Variants in LINC00305 observed in about 807,000 individuals in gnomAD.
LINC00305 encodes the protein long intergenic non-protein coding RNA 305.
At position 64,108,854 on chromosome 18, in the gene LINC00305, C is replaced by A. The variant is rs541533022; in HGVS notation, n.315-10214G>T. Among the ~76,000 whole-genome samples, 6 of 152,144 alleles carry A rather than the reference C, an allele frequency of 3.9e-5. No homozygotes were observed. The South Asian group carries it at 1.0e-3, about 26-fold the overall frequency. Reference sequence around the variant, plus strand: ...TAGGGTAGAGCCTTGGCAAAGACTGCGAAGTATTTATACAATGGAGGATGG... The same window carrying A: ...TAGGGTAGAGCCTTGGCAAAGACTGAGAAGTATTTATACAATGGAGGATGG... On this transcript the variant is annotated intron_variant and non_coding_transcript_variant, in intron 1 of 3. Transcript: ENST00000666468.
At chr18:64,103,447 T>G (rs1037774493) in intron 1 of LINC00305, among the ~76,000 whole-genome samples, 9 of 152,212 alleles carry the variant, frequency 5.9e-5, no homozygotes, top group African/African-American at 1.4e-4. Flanking sequence ...TTTGCGGCAC[T>G]TCTCGTCCTG....
intron 1 of LINC00305, among the ~76,000 whole-genome samples, chr18:64,133,088 A>C (rs1295873754): frequency 6.6e-6 from 1 of 152,152 alleles, no homozygotes; most frequent in African/African-American, 2.4e-5. Flanking sequence ...GGTTGTTTAC[A>C]TCCCTTTGCT....
At chr18:64,100,030 C>A (rs190948661) in intron 1 of LINC00305, among the ~76,000 whole-genome samples, 1 of 152,282 alleles carries the variant, frequency 6.6e-6, no homozygotes, top group South Asian at 2.1e-4. Context: ...ATTTATAATG[C>A]AACCCTACTT....
At chr18:64,124,869 T>A (rs2051378096) in intron 1 of LINC00305, among the ~76,000 whole-genome samples, 2 of 152,136 alleles carry the variant, frequency 1.3e-5, no homozygotes, top group South Asian at 4.1e-4. Flanking sequence ...CTGCATCTCA[T>A]CAGTGGAATG....
intron 1 of LINC00305, chr18:64,127,580 A>G (rs895505173): frequency 6.6e-6 from 1 of 152,140 alleles, no homozygotes; most frequent in African/African-American, 2.4e-5. Context: ...CCTGGTTTAT[A>G]TGTGTTCTGT....
chr18:64,145,044 C>A (rs1475459505), intron 1 of LINC00305, among the ~76,000 whole-genome samples: 1 of 152,112 alleles, frequency 6.6e-6, no homozygotes, highest in Non-Finnish European at 1.5e-5. Flanking sequence ...AAGGCATACT[C>A]CCTTCTGAGA....
chr18:64,148,232 T>A (rs2051507481), intron 1 of LINC00305, among the ~76,000 whole-genome samples: 1 of 151,946 alleles, frequency 6.6e-6, no homozygotes, highest in African/African-American at 2.4e-5. Context: ...TCTAACCTCA[T>A]GTCTCTCTCT....
intron 1 of LINC00305, among the ~76,000 whole-genome samples, chr18:64,121,679 A>G (rs568700814): frequency 6.6e-6 from 1 of 152,250 alleles, no homozygotes; most frequent in Non-Finnish European, 1.5e-5. Flanking sequence ...TTTTGATACA[A>G]TGATTTCTTT....
chr18:64,128,763 A>G (rs949764252), intron 1 of LINC00305, among the ~76,000 whole-genome samples: 1 of 151,974 alleles, frequency 6.6e-6, no homozygotes, highest in Non-Finnish European at 1.5e-5. Context: ...CTCCTAAGTA[A>G]CTCCCTTCCG....
chr18:64,109,598 TC>T (rs557594764), intron 1 of LINC00305, among the ~76,000 whole-genome samples: 335 of 152,350 alleles, frequency 2.2e-3, no homozygotes, highest in Non-Finnish European at 4.1e-3. Flanking sequence ...GTATTCAGCG[TC>T]TACCAGTTTT....
chr18:64,095,638 C>G (rs1351833089), intron 3 of LINC00305, among the ~76,000 whole-genome samples: 1 of 152,082 alleles, frequency 6.6e-6, no homozygotes, highest in Non-Finnish European at 1.5e-5. Flanking sequence ...AAGAACAGAA[C>G]CAACACTGCA....
chr18:64,082,650 A>G (rs1271063771), intron 3 of LINC00305, among the ~76,000 whole-genome samples: 2 of 152,146 alleles, frequency 1.3e-5, no homozygotes, highest in African/African-American at 2.4e-5. Context: ...TTCTGTATCT[A>G]TCCTCAGCCT....
intron 1 of LINC00305, among the ~76,000 whole-genome samples, chr18:64,111,872 G>T (rs72949513): frequency 0.068 from 10,322 of 152,228 alleles, 526 homozygotes; most frequent in Non-Finnish European, 0.11. Context: ...TAAACTAAAT[G>T]TACCTCCGGG....
intron 1 of LINC00305, among the ~76,000 whole-genome samples, chr18:64,109,593 C>T (rs2051306369): frequency 6.6e-6 from 1 of 152,196 alleles, no homozygotes; most frequent in Admixed American, 6.5e-5. Context: ...TCTATGTATT[C>T]AGCGTCTACC....
At chr18:64,098,086 T>A (rs986675988) in intron 2 of LINC00305, 3 of 437,194 alleles carry the variant, frequency 6.9e-6, no homozygotes, top group Non-Finnish European at 1.4e-5. Context: ...TGAATAAAGG[T>A]ACAGAGGCAA....
intron 1 of LINC00305, among the ~76,000 whole-genome samples, chr18:64,114,914 G>A (rs934703869): frequency 2.6e-5 from 4 of 152,180 alleles, no homozygotes; most frequent in African/African-American, 7.2e-5. Context: ...GATCATAAAC[G>A]AAAATATACA....
chr18:64,092,636 C>T (rs920006164), intron 3 of LINC00305, among the ~76,000 whole-genome samples: 52 of 152,270 alleles, frequency 3.4e-4, no homozygotes, highest in African/African-American at 1.3e-3. Context: ...TTTCCTTTCC[C>T]CTGGTCTTTG....
At chr18:64,136,940 G>C (rs1438375301) in intron 1 of LINC00305, among the ~76,000 whole-genome samples, 1 of 152,108 alleles carries the variant, frequency 6.6e-6, no homozygotes, top group Non-Finnish European at 1.5e-5. Context: ...GTGCTCACTT[G>C]ATTTGCCATT....
chr18:64,101,516 GTC>G (rs1238579229), intron 1 of LINC00305, among the ~76,000 whole-genome samples: 1 of 152,168 alleles, frequency 6.6e-6, no homozygotes, highest in African/African-American at 2.4e-5. Context: ...TTTTCTCTGT[GTC>G]TCTGTCTTCA....
Sources: allele counts gnomAD v4.1 joint callset (sites outside exome capture counted in the v4.1 genomes callset), GRCh38; gene constraint gnomAD v4.1.1; transcripts MANE v1.5; gene names NCBI Gene and HGNC (gene_info 2026-07-23, HGNC 2026-07-21).